Variants in ZNF438 observed in about 807,000 individuals in gnomAD.
ZNF438 encodes the protein zinc finger protein 438.
Under a neutral mutation model 38.0 loss-of-function variants are expected in ZNF438, and 25 were observed. The ratio of observed to expected loss-of-function variants is 0.66; its 90% CI spans 0.48 to 0.92. The LOEUF (loss-of-function observed/expected upper bound fraction) is 0.92. Among genes scored for constraint, ZNF438 ranks in the 40% least tolerant of loss-of-function variants. The pLI is 0.00. For missense variants in ZNF438, 1,007 were observed against 999.6 expected, an observed-to-expected ratio of 1.01 and a Z score of -0.10; for synonymous variants, 372 against 364.1, an observed-to-expected ratio of 1.02 and a Z score of -0.25.
chr10:30,942,302 G>A (rs2046900752), intron 1 of ZNF438, among the ~76,000 whole-genome samples: 1 of 152,158 alleles, frequency 6.6e-6, no homozygotes, highest in Non-Finnish European at 1.5e-5. Flanking sequence ...TACATAAAGA[G>A]GCACCAAGGG....
intron 1 of ZNF438, among the ~76,000 whole-genome samples, chr10:30,992,115 C>A (rs1236145622): frequency 2.0e-5 from 3 of 152,172 alleles, no homozygotes; most frequent in Non-Finnish European, 4.4e-5. Flanking sequence ...TCTGCAAGAC[C>A]CTTGCCAGAT....
exon 6 of ZNF438, chr10:30,845,191 G>C: frequency 6.2e-7 from 1 of 1,614,136 alleles, no homozygotes; most frequent in Non-Finnish European, 8.5e-7. Flanking sequence ...GTTTCCCTTG[G>C]CTTGTTGGTT....
chr10:30,875,149 C>T (rs906543674), intron 4 of ZNF438, among the ~76,000 whole-genome samples: 1 of 151,994 alleles, frequency 6.6e-6, no homozygotes, highest in African/African-American at 2.4e-5. Flanking sequence ...CTGGGTAGGG[C>T]CAAGGGGTCT....
intron 1 of ZNF438, among the ~76,000 whole-genome samples, chr10:30,981,401 T>C (rs2052121568): frequency 6.6e-6 from 1 of 152,194 alleles, no homozygotes; most frequent in South Asian, 2.1e-4. Flanking sequence ...GGGAGCTGCT[T>C]ATATCATGAA....
intron 4 of ZNF438, 65 bp downstream of exon 5, chr10:30,876,933 C>T (rs2038515730): frequency 3.1e-6 from 4 of 1,277,466 alleles, no homozygotes; most frequent in Non-Finnish European, 4.4e-6. Flanking sequence ...AGGTCAATGA[C>T]ATTCAATGTA....
intron 2 of ZNF438, among the ~76,000 whole-genome samples, chr10:30,925,565 A>C (rs1189098705): frequency 6.6e-6 from 1 of 152,244 alleles, no homozygotes; most frequent in Non-Finnish European, 1.5e-5. Context: ...TATCCCCTTC[A>C]CAGTGTGGGA....
intron 1 of ZNF438, among the ~76,000 whole-genome samples, chr10:31,023,011 T>C (rs565574853): frequency 1.3e-5 from 2 of 152,346 alleles, no homozygotes; most frequent in African/African-American, 2.4e-5. Context: ...TATAATGATT[T>C]AAAATTCACG....
In ZNF438 at chr10:30,882,385, T is replaced by C. The variant is rs75682666; in HGVS notation, c.-31-5320A>G. ...CCAACCCAAGAGAAACAAAAGCAAA[T>C]GTCTATACAAAAACTTGTACAAAGA... On this transcript the variant is annotated intron_variant, in intron 3 of 5. Transcript: ENST00000413025. 4.5e-4 allele frequency among the ~76,000 whole-genome samples: 69 copies of C among 152,216 alleles called. 1 individual carries two copies. The East Asian group carries it at 0.013, about 29-fold the overall frequency.
intron 4 of ZNF438, among the ~76,000 whole-genome samples, chr10:30,863,858 G>A (rs749124343): frequency 3.3e-5 from 5 of 152,138 alleles, no homozygotes; most frequent in East Asian, 1.9e-4. Context: ...CACTTCCACC[G>A]CCTGTTATTT....
chr10:30,880,430 TAA>T lies in ZNF438; in HGVS notation c.-31-3367_-31-3366del, dbSNP rs60365494. On this transcript the variant is annotated intron_variant, in intron 3 of 5. Transcript: ENST00000413025. Reference sequence around the variant, plus strand: ...TGGGCAACAAGAGCAAAATTCTATCTAAAAAAAAAAAAAAAAAGAAAAAGAAA... The same window carrying T: ...TGGGCAACAAGAGCAAAATTCTATCTAAAAAAAAAAAAAAAGAAAAAGAAA... Among the ~76,000 whole-genome samples the T allele has an allele frequency of 9.9e-3, 1,105 of 111,882 alleles. 13 individuals carry two copies. The highest frequency in any genetic ancestry group is 0.036 in the African/African-American group (1,017 of 28,488). 73.4% of individuals were successfully genotyped at this position (111,882 alleles called of 152,430 possible). A position where few individuals can be genotyped will look rare whatever the true frequency, so the allele number is the denominator to read the frequency against.
intron 2 of ZNF438, among the ~76,000 whole-genome samples, chr10:30,932,237 T>A (rs372685069): frequency 1.3e-5 from 2 of 152,208 alleles, no homozygotes; most frequent in African/African-American, 4.8e-5. Flanking sequence ...AAAAAACTTA[T>A]TAAAATTCTA....
chr10:31,026,389 T>A (rs1002763335), intron 1 of ZNF438, among the ~76,000 whole-genome samples: 146 of 67,816 alleles, frequency 2.2e-3, no homozygotes, highest in Non-Finnish European at 3.7e-3. Context: ...TAAACAAATT[T>A]ACAAGAAAAA....
intron 3 of ZNF438, among the ~76,000 whole-genome samples, chr10:30,891,603 G>A (rs938917724): frequency 2.0e-5 from 3 of 152,048 alleles, no homozygotes; most frequent in African/African-American, 4.8e-5. Flanking sequence ...CATCAGGTTT[G>A]GGGGCCTTTC....
In ZNF438 at chr10:30,912,388, G is replaced by A. The variant is rs78210415; in HGVS notation, c.-114-3373C>T. Among the ~76,000 whole-genome samples the A allele has an allele frequency of 4.6e-5, 7 of 151,994 alleles. No homozygotes were observed. In the East Asian group the frequency reaches 5.8e-4, roughly 13 times the overall value. ...CTTTTATATCAACCAGAAGTCCCTC[G>A]TCTTTCCTTCTGCCTATCTTGCCAT... On this transcript the variant is annotated intron_variant, in intron 2 of 5. Transcript: ENST00000413025.
At chr10:30,954,497 C>T (rs2048643616) in intron 1 of ZNF438, among the ~76,000 whole-genome samples, 1 of 152,106 alleles carries the variant, frequency 6.6e-6, no homozygotes, top group Admixed American at 6.5e-5. Flanking sequence ...GACTGAAAGA[C>T]TAAAATCGTA....
At chr10:30,893,179 A>C (rs1489835128) in intron 3 of ZNF438, among the ~76,000 whole-genome samples, 2 of 152,236 alleles carry the variant, frequency 1.3e-5, no homozygotes, top group African/African-American at 4.8e-5. Flanking sequence ...GGAATTTTTC[A>C]ATCAAATACT....
chr10:30,845,024 C>T lies in ZNF438; in HGVS notation c.2424G>A (p.Trp808Ter). Residue 808 changes from tryptophan to a stop codon, truncating the protein, a stop_gained, in exon 6 of 6, where the codon TGG becomes TGA. Transcript: ENST00000413025. LOFTEE classifies it low-confidence loss of function (END_TRUNC). ...GGTTGGAGACCGTATTTAAAATAGC[C>T]CACAGTTTGGAAGGGTCCTCACAGT... 1 of 1,614,142 alleles carries T rather than the reference C, an allele frequency of 6.2e-7. No individual in the cohort carries two copies. Among genetic ancestry groups the T allele is most frequent in the South Asian group, 1.1e-5 (1 of 91,082 alleles).
intron 3 of ZNF438, among the ~76,000 whole-genome samples, chr10:30,902,037 T>G (rs776434240): frequency 2.4e-4 from 36 of 152,054 alleles, no homozygotes; most frequent in Admixed American, 5.2e-4. Context: ...GTGTTACAGC[T>G]CATAAAGGCA....
At chr10:30,971,476 T>C (rs797016075) in intron 1 of ZNF438, among the ~76,000 whole-genome samples, 4 of 152,282 alleles carry the variant, frequency 2.6e-5, no homozygotes, top group African/African-American at 9.6e-5. Flanking sequence ...TGATGATCTC[T>C]GGGGAGACAG....
Sources: gnomAD v4.1 joint callset for allele counts (sites outside exome capture counted in the v4.1 genomes callset) on GRCh38, gnomAD v4.1.1 for gene constraint, MANE v1.5 for transcripts, NCBI Gene and HGNC (gene_info 2026-07-23, HGNC 2026-07-21) for gene names.